The following LRIF1 variants were observed in gnomAD, a reference collection of about 807,000 sequenced individuals.
The protein encoded by LRIF1 is ligand dependent nuclear receptor interacting factor 1.
LRIF1 carries 32 observed loss-of-function variants against 52.7 expected under a neutral mutation model. That is an observed-to-expected ratio of 0.61 (90% CI 0.46 to 0.82). The LOEUF is 0.82. Among genes scored for constraint, LRIF1 ranks in the 40% least tolerant of loss-of-function variants. The pLI is 0.00. For missense variants in LRIF1, 887 were observed against 892.0 expected (o/e 0.99, Z 0.07); for synonymous variants, 323 against 317.4 (o/e 1.02, Z -0.19).
intron 1 of LRIF1, among the ~76,000 whole-genome samples, chr1:110,954,220 C>G (rs1175742213): frequency 6.6e-6 from 1 of 152,090 alleles, no homozygotes; most frequent in African/African-American, 2.4e-5. Flanking sequence ...TTATTATATC[C>G]TTACAAAAAT....
chr1:110,942,637 A>G (rs1658119131), downstream of LRIF1, among the ~76,000 whole-genome samples: 1 of 152,070 alleles, frequency 6.6e-6, no homozygotes, highest in Admixed American at 6.6e-5. Context: ...AACCAAGAGA[A>G]TTTCCTAACA....
At chr1:110,931,497 C>T in the LRIF1 span, among the ~76,000 whole-genome samples, 2 of 152,134 alleles carry the variant, frequency 1.3e-5, no homozygotes, top group African/African-American at 2.4e-5. Context: ...TGGGTATATA[C>T]CCAGTAATGG....
At chr1:110,894,553 G>T in the LRIF1 span, 1 of 601,452 alleles carries the variant, frequency 1.7e-6, no homozygotes, top group South Asian at 1.8e-5. Flanking sequence ...GTAATTGGGG[G>T]GAAAATTTGT....
At chr1:110,942,017 T>C in the LRIF1 span, 1 of 152,080 alleles carries the variant, frequency 6.6e-6, no homozygotes, top group Non-Finnish European at 1.5e-5. Flanking sequence ...TGACAGTCCA[T>C]CTTGGAAATC....
At chr1:110,963,140 T>G (rs555634901) in intron 1 of LRIF1, among the ~76,000 whole-genome samples, 119 of 152,364 alleles carry the variant, frequency 7.8e-4, no homozygotes, top group African/African-American at 2.8e-3. Flanking sequence ...ACTTGAAATT[T>G]TAAATATTCG....
the LRIF1 span, among the ~76,000 whole-genome samples, chr1:110,881,991 G>C: frequency 6.6e-6 from 1 of 152,126 alleles, no homozygotes; most frequent in Non-Finnish European, 1.5e-5. Flanking sequence ...TGAGCTTCAA[G>C]AGTTGTTTTT....
chr1:110,958,938 C>T (rs1658832452), intron 1 of LRIF1, among the ~76,000 whole-genome samples: 1 of 152,166 alleles, frequency 6.6e-6, no homozygotes, highest in Non-Finnish European at 1.5e-5. Context: ...GAAGTAATAA[C>T]TCAGGATGAA....
chr1:110,900,222 T>C, the LRIF1 span, among the ~76,000 whole-genome samples: 25 of 152,192 alleles, frequency 1.6e-4, 1 homozygote, highest in South Asian at 2.3e-3. Flanking sequence ...CTCTCTCACA[T>C]CGCTGTTGGC....
chr1:110,963,694 T>C lies in LRIF1; in HGVS notation c.-6A>G. 6.2e-7 allele frequency: 1 copy of C among 1,602,790 alleles called. No individual in the cohort carries two copies. The highest frequency in any genetic ancestry group is 8.5e-7 in the Non-Finnish European group (1 of 1,171,714). On this transcript the variant is annotated 5_prime_UTR_variant, in exon 1 of 4. Transcript: ENST00000369763. ...CTCCGTAGGTTATTTGACATTTTAG[T>C]GGGGAGAAAGGGGACACCTCATCCA...
chr1:110,924,895 T>A, the LRIF1 span, among the ~76,000 whole-genome samples: 1 of 152,190 alleles, frequency 6.6e-6, no homozygotes, highest in Non-Finnish European at 1.5e-5. Flanking sequence ...ATTAGAAAAC[T>A]AACGTAATTC....
the LRIF1 span, among the ~76,000 whole-genome samples, chr1:110,906,443 G>A: frequency 6.6e-6 from 1 of 152,052 alleles, no homozygotes; most frequent in Non-Finnish European, 1.5e-5. Flanking sequence ...CTTCAGGAAG[G>A]TGAGGCAGGA....
chr1:110,880,520 AC>A, the LRIF1 span, among the ~76,000 whole-genome samples: 17 of 152,288 alleles, frequency 1.1e-4, no homozygotes, highest in East Asian at 2.9e-3. Context: ...ACTAATTGTC[AC>A]AGGATACCAG....
intron 1 of LRIF1, among the ~76,000 whole-genome samples, chr1:110,963,040 T>G (rs1333275200): frequency 6.6e-6 from 1 of 152,216 alleles, no homozygotes; most frequent in African/African-American, 2.4e-5. Flanking sequence ...GGCACTTCAT[T>G]ACACCCTACT....
At chr1:110,950,567 T>C (rs976259792) in intron 2 of LRIF1, among the ~76,000 whole-genome samples, 1 of 152,022 alleles carries the variant, frequency 6.6e-6, no homozygotes, top group Non-Finnish European at 1.5e-5. Flanking sequence ...CATTATTGAG[T>C]AGACCTCTAA....
the LRIF1 span, among the ~76,000 whole-genome samples, chr1:110,930,998 T>G: frequency 2.0e-5 from 3 of 152,048 alleles, no homozygotes; most frequent in East Asian, 5.8e-4. Flanking sequence ...ATTTTTTTTT[T>G]TAATACTTTA....
At chr1:110,895,072 T>A in the LRIF1 span, 1 of 1,565,806 alleles carries the variant, frequency 6.4e-7, no homozygotes, top group Non-Finnish European at 8.8e-7. Context: ...ACAGGTGGAA[T>A]CCTCTTCAGA....
chr1:110,890,783 G>A, the LRIF1 span, among the ~76,000 whole-genome samples: 1 of 152,180 alleles, frequency 6.6e-6, no homozygotes, highest in Non-Finnish European at 1.5e-5. Context: ...TATCTTTGCT[G>A]TAAGACTGTT....
chr1:110,887,127 G>A, the LRIF1 span, among the ~76,000 whole-genome samples: 1 of 151,230 alleles, frequency 6.6e-6, no homozygotes, highest in Non-Finnish European at 1.5e-5. Flanking sequence ...GCAGTGGCGC[G>A]ATCTCGGCTC....
chr1:110,960,715 T>TAC (rs1197088137), intron 1 of LRIF1, among the ~76,000 whole-genome samples: 1 of 152,134 alleles, frequency 6.6e-6, no homozygotes, highest in Non-Finnish European at 1.5e-5. Flanking sequence ...TCATAATTGA[T>TAC]CCCCCTTTCT....
Sources: gnomAD v4.1 joint callset for allele counts (sites outside exome capture counted in the v4.1 genomes callset) on GRCh38, gnomAD v4.1.1 for gene constraint, MANE v1.5 for transcripts, NCBI Gene and HGNC (gene_info 2026-07-23, HGNC 2026-07-21) for gene names.